The following NAV2 variants were observed in gnomAD, a reference collection of about 807,000 sequenced individuals.
NAV2 encodes helicase, APC down-regulated 1.
Under a neutral mutation model 223.2 loss-of-function variants are expected in NAV2, and 54 were observed. That is an observed-to-expected ratio of 0.24 (90% confidence interval 0.19 to 0.30). The LOEUF (loss-of-function observed/expected upper bound fraction) is 0.30, where lower values mean the gene tolerates loss of function less well. Ranked by LOEUF, NAV2 falls within the 10% of genes least tolerant of loss-of-function variation. NAV2 has a pLI of 1.00. For synonymous variants in NAV2, 1,279 were observed against 1,239.3 expected (o/e 1.03, Z -0.67); for missense variants, 2,806 against 3,147.5 (o/e 0.89, Z 2.60).
chr11:19,781,653 G>C (rs2056755869), intron 1 of NAV2, among the ~76,000 whole-genome samples: 2 of 152,098 alleles, frequency 1.3e-5, no homozygotes, highest in East Asian at 3.9e-4. Context: ...GGCTCTGTCT[G>C]CTTCCCTGTA....
At chr11:19,965,276 G>A (rs1016818624) in intron 10 of NAV2, among the ~76,000 whole-genome samples, 1 of 152,148 alleles carries the variant, frequency 6.6e-6, no homozygotes, top group Non-Finnish European at 1.5e-5. Flanking sequence ...TGACTTCAGA[G>A]CCTGAATTCA....
chr11:19,728,660 A>G (rs1038637987), intron 1 of NAV2, among the ~76,000 whole-genome samples: 2 of 152,242 alleles, frequency 1.3e-5, no homozygotes, highest in African/African-American at 4.8e-5. Flanking sequence ...TCAGCACTAA[A>G]TGCGATCATG....
intron 22 of NAV2, among the ~76,000 whole-genome samples, chr11:20,073,039 C>G (rs576530807): frequency 2.0e-3 from 310 of 152,166 alleles, no homozygotes; most frequent in Non-Finnish European, 3.8e-3. Flanking sequence ...TGCTTCCAGT[C>G]TTTGCCCATT....
chr11:20,095,666 C>T lies in NAV2; in HGVS notation c.5917-6C>T, dbSNP rs928691291. On this transcript the variant is annotated splice_region_variant and splice_polypyrimidine_tract_variant and intron_variant, in intron 29 of 37. Coordinates refer to ENST00000349880, the MANE Select transcript of NAV2 (RefSeq NM_145117.5). ...TTTTCACCTGTGTACATTTCCTTAC[C>T]CTTAGGATTCCAGACCACATCTCTT... The T allele has an allele frequency of 6.2e-7, 1 of 1,605,762 alleles. No individual in the cohort carries two copies. The highest frequency in any genetic ancestry group is 1.3e-5 in the African/African-American group (1 of 74,702).
At chr11:19,351,391 C>T (rs1475146104) in intron 1 of NAV2, among the ~76,000 whole-genome samples, 1 of 152,162 alleles carries the variant, frequency 6.6e-6, no homozygotes, top group Non-Finnish European at 1.5e-5. Flanking sequence ...AAATGTTGCT[C>T]CTGACAGCGG....
intron 29 of NAV2, among the ~76,000 whole-genome samples, chr11:20,095,135 G>T (rs1486090800): frequency 6.6e-6 from 1 of 152,100 alleles, no homozygotes; most frequent in African/African-American, 2.4e-5. Context: ...AACACATTTT[G>T]TCCTGACAAT....
chr11:19,797,817 G>C (rs1350720949), intron 1 of NAV2, among the ~76,000 whole-genome samples: 1 of 152,152 alleles, frequency 6.6e-6, no homozygotes, highest in Non-Finnish European at 1.5e-5. Flanking sequence ...AGGGATAACA[G>C]TGGCCCTCCT....
intron 1 of NAV2, among the ~76,000 whole-genome samples, chr11:19,510,653 T>C (rs1309822331): frequency 6.6e-6 from 1 of 152,216 alleles, no homozygotes; most frequent in Non-Finnish European, 1.5e-5. Context: ...CCGAAGTCCG[T>C]TGGTCATTGC....
intron 3 of NAV2, among the ~76,000 whole-genome samples, chr11:19,863,947 G>A (rs2061943793): frequency 6.6e-6 from 1 of 152,172 alleles, no homozygotes; most frequent in Admixed American, 6.5e-5. Context: ...ATGGCAAATA[G>A]CAATATCAGG....
At chr11:19,551,973 C>T (rs908303771) in intron 1 of NAV2, among the ~76,000 whole-genome samples, 1 of 152,066 alleles carries the variant, frequency 6.6e-6, no homozygotes, top group Admixed American at 6.6e-5. Context: ...CTGACTGCAA[C>T]CCTGGGGTCT....
At chr11:19,631,690 C>T (rs751425300) in intron 1 of NAV2, among the ~76,000 whole-genome samples, 5 of 152,188 alleles carry the variant, frequency 3.3e-5, no homozygotes, top group African/African-American at 7.2e-5. Flanking sequence ...AGCAAACCCC[C>T]GGCACTGAGT....
chr11:20,025,589 T>C (rs1356797507), intron 11 of NAV2, among the ~76,000 whole-genome samples: 10 of 152,072 alleles, frequency 6.6e-5, no homozygotes, highest in Admixed American at 6.6e-4. Flanking sequence ...AAGGGAAAAA[T>C]TTCATGCTTA....
intron 3 of NAV2, among the ~76,000 whole-genome samples, chr11:19,856,104 A>G (rs1194488316): frequency 6.6e-6 from 1 of 152,222 alleles, no homozygotes; most frequent in Non-Finnish European, 1.5e-5. Context: ...TCAACCAAAG[A>G]TTTGGCAAAG....
At chr11:19,351,064 G>T in intron 1 of NAV2, 1 of 1,390,828 alleles carries the variant, frequency 7.2e-7, no homozygotes, top group Non-Finnish European at 9.4e-7. Context: ...TTGGATTATG[G>T]TGCTGATTGC....
At chr11:19,502,585 A>T (rs992837293) in intron 1 of NAV2, 1 of 152,204 alleles carries the variant, frequency 6.6e-6, no homozygotes, top group African/African-American at 2.4e-5. Flanking sequence ...TTACCTCGTT[A>T]TACCTCTGTT....
At chr11:20,045,713 G>C (rs1324396091) in intron 14 of NAV2, 43 bp downstream of exon 14, 2 of 1,475,746 alleles carry the variant, frequency 1.4e-6, no homozygotes, top group African/African-American at 2.8e-5. Flanking sequence ...CCAGAATACA[G>C]GGAATGGATT....
intron 1 of NAV2, chr11:19,503,604 C>T (rs1813643679): frequency 1.3e-5 from 2 of 152,160 alleles, no homozygotes; most frequent in South Asian, 2.1e-4. Flanking sequence ...TGTTGAGTTT[C>T]CTCCATGTTT....
chr11:19,807,739 G>A (rs1285539328), intron 1 of NAV2, among the ~76,000 whole-genome samples: 1 of 152,204 alleles, frequency 6.6e-6, no homozygotes, highest in Non-Finnish European at 1.5e-5. Context: ...GTGAGCAAAG[G>A]ATGTGCTCAT....
chr11:20,026,202 G>T (rs1324981841), intron 11 of NAV2, among the ~76,000 whole-genome samples: 1 of 152,182 alleles, frequency 6.6e-6, no homozygotes, highest in Admixed American at 6.5e-5. Flanking sequence ...ATTAATTCCA[G>T]TTTAGGCTCT....
Sources: allele counts gnomAD v4.1 joint callset (sites outside exome capture counted in the v4.1 genomes callset), GRCh38; gene constraint gnomAD v4.1.1; transcripts MANE v1.5; gene names NCBI Gene and HGNC (gene_info 2026-07-23, HGNC 2026-07-21).